KDM2A: variants seen among roughly 807,000 people sequenced by gnomAD.
KDM2A encodes lysine-specific demethylase 2A.
In KDM2A, 3 loss-of-function variants were observed where a neutral mutation model predicts 137.3. The ratio of observed to expected loss-of-function variants is 0.02; its 90% confidence interval spans 0.01 to 0.06. The LOEUF is 0.06. KDM2A is among the 10% of genes least tolerant of loss of function. The probability of loss-of-function intolerance (pLI) is 1.00; values close to 1 mark genes in which losing one functional copy is unlikely to be tolerated. For synonymous variants in KDM2A, 512 were observed against 541.5 expected (o/e 0.95, Z 0.76); for missense variants, 738 against 1,510.6 (o/e 0.49, Z 8.48).
chr11:67,220,848 C>CT (rs1257410804), intron 10 of KDM2A, among the ~76,000 whole-genome samples: 1 of 151,976 alleles, frequency 6.6e-6, no homozygotes, highest in East Asian at 1.9e-4. Flanking sequence ...TTTCAGATAA[C>CT]TTTAACATGT....
chr11:67,152,667 T>TA (rs1017579877), intron 2 of KDM2A, among the ~76,000 whole-genome samples: 13 of 152,252 alleles, frequency 8.5e-5, no homozygotes, highest in Admixed American at 8.5e-4. Flanking sequence ...ATATGTAGCT[T>TA]ACATTTTGTT....
At chr11:67,157,717 C>T (rs1856549488) in intron 2 of KDM2A, among the ~76,000 whole-genome samples, 1 of 150,596 alleles carries the variant, frequency 6.6e-6, no homozygotes, top group Non-Finnish European at 1.5e-5. Flanking sequence ...TGCACTCCAG[C>T]CTGGGCGACA....
intron 12 of KDM2A, among the ~76,000 whole-genome samples, chr11:67,233,068 T>C (rs1858765328): frequency 6.6e-6 from 1 of 152,140 alleles, no homozygotes; most frequent in African/African-American, 2.4e-5. Context: ...TAACAATTAA[T>C]GTGAAGACCA....
At chr11:67,203,953 A>G (rs1337926681) in intron 5 of KDM2A, among the ~76,000 whole-genome samples, 1 of 151,884 alleles carries the variant, frequency 6.6e-6, no homozygotes, top group African/African-American at 2.4e-5. Context: ...GCCGCGTACC[A>G]CCACGCCCAG....
intron 2 of KDM2A, among the ~76,000 whole-genome samples, chr11:67,146,220 C>G (rs1367019383): frequency 2.0e-5 from 3 of 151,938 alleles, no homozygotes; most frequent in Non-Finnish European, 4.4e-5. Context: ...GTCTCAATCT[C>G]CTGACCTCCT....
At chr11:67,251,314 C>G (rs1298203491) in intron 17 of KDM2A, among the ~76,000 whole-genome samples, 6 of 152,154 alleles carry the variant, frequency 3.9e-5, no homozygotes, top group African/African-American at 1.2e-4. Flanking sequence ...TAATGCTCAT[C>G]CCCCCAAACC....
intron 7 of KDM2A, 147 bp from the exon 8 acceptor site, chr11:67,215,709 C>G (rs1381908018): frequency 8.5e-6 from 6 of 709,564 alleles, no homozygotes; most frequent in Non-Finnish European, 1.2e-5. Context: ...AATGTGATGA[C>G]TTGAAAATGC....
In KDM2A at chr11:67,254,761, G is replaced by T; in HGVS notation, c.3308-113G>T. ...CTGGTCTCTGAGCCAGGTAGTTGTGGGACAAAGAGGGCTTTTGTTTAGCAT... is the reference window on the plus strand; with the variant it reads ...CTGGTCTCTGAGCCAGGTAGTTGTGTGACAAAGAGGGCTTTTGTTTAGCAT... On this transcript the variant is annotated intron_variant, in intron 20 of 20. Transcript: ENST00000529006. The surrounding 1 kb of genome is among the most constrained non-coding windows in gnomAD (Gnocchi z 4.7). 2.0e-6 allele frequency: 2 copies of T among 989,270 alleles called. No homozygotes were observed. Among genetic ancestry groups the T allele is most frequent in the Non-Finnish European group, 3.0e-6 (2 of 665,616 alleles). 61.3% of individuals were successfully genotyped at this position (989,270 alleles called of 1,614,324 possible). A position where few individuals can be genotyped will look rare whatever the true frequency, so the allele number is the denominator to read the frequency against.
chr11:67,133,080 A>G (rs555619081), intron 2 of KDM2A, among the ~76,000 whole-genome samples: 1 of 152,160 alleles, frequency 6.6e-6, no homozygotes, highest in Admixed American at 6.6e-5. Flanking sequence ...GTCTCTTACC[A>G]ATTGTGCTTT....
intron 2 of KDM2A, among the ~76,000 whole-genome samples, chr11:67,145,990 T>G (rs1300085309): frequency 6.7e-6 from 1 of 150,046 alleles, no homozygotes; most frequent in African/African-American, 2.4e-5. Flanking sequence ...TTTGTTTTGT[T>G]TTTTTTTGTT....
At chr11:67,218,078 A>G (rs1858225218) in intron 9 of KDM2A, among the ~76,000 whole-genome samples, 194 bp downstream of exon 9, 2 of 152,172 alleles carry the variant, frequency 1.3e-5, no homozygotes, top group East Asian at 1.9e-4. Flanking sequence ...TGGTTTTCCA[A>G]TAAAGTATAT....
At chr11:67,203,264 T>C (rs1462462338) in intron 5 of KDM2A, among the ~76,000 whole-genome samples, 1 of 151,652 alleles carries the variant, frequency 6.6e-6, no homozygotes, top group Non-Finnish European at 1.5e-5. Flanking sequence ...TAGCCTACAG[T>C]ATAATGTAAA....
intron 2 of KDM2A, among the ~76,000 whole-genome samples, chr11:67,125,461 G>A (rs1262911304): frequency 1.3e-5 from 2 of 150,262 alleles, no homozygotes; most frequent in Non-Finnish European, 3.0e-5. Context: ...TTTTTGGGGG[G>A]AAAAAAAAAT....
At chr11:67,120,336 T>C (rs915482541) in intron 1 of KDM2A, among the ~76,000 whole-genome samples, 21 of 152,192 alleles carry the variant, frequency 1.4e-4, no homozygotes, top group African/African-American at 1.4e-4. Context: ...CATCGGGTCC[T>C]CTGGTCTCGT....
At chr11:67,128,176 A>C (rs1170288233) in intron 2 of KDM2A, among the ~76,000 whole-genome samples, 1 of 151,196 alleles carries the variant, frequency 6.6e-6, no homozygotes, top group Non-Finnish European at 1.5e-5. Context: ...CTTATTTTTA[A>C]ATTCTTTCTA....
At position 67,150,225 on chromosome 11, in the gene KDM2A, C is replaced by G. The variant is rs1348845501; in HGVS notation, c.42+28867C>G. On this transcript the variant is annotated intron_variant, in intron 2 of 20. Transcript: ENST00000529006. Reference sequence around the variant, plus strand: ...TTGTTTTTCTAGCCGATAAATAGATCAGAACTTAAGAAATTCACTGCCTCT... The same window carrying G: ...TTGTTTTTCTAGCCGATAAATAGATGAGAACTTAAGAAATTCACTGCCTCT... 6.6e-5 allele frequency among the ~76,000 whole-genome samples: 10 copies of G among 152,132 alleles called. 1 individual carries two copies. Among genetic ancestry groups the G allele is most frequent in the Non-Finnish European group, 1.5e-5 (1 of 68,016 alleles).
chr11:67,180,687 G>A (rs1328129274), intron 3 of KDM2A, among the ~76,000 whole-genome samples: 1 of 151,728 alleles, frequency 6.6e-6, no homozygotes, highest in Admixed American at 6.6e-5. Context: ...GAGTCTTGCT[G>A]TGTCACCCAG....
intron 2 of KDM2A, among the ~76,000 whole-genome samples, chr11:67,156,592 G>T (rs141491021): frequency 6.6e-6 from 1 of 151,894 alleles, no homozygotes; most frequent in Non-Finnish European, 1.5e-5. Flanking sequence ...GGTGGTAGGC[G>T]CCTGTAGTCC....
intron 5 of KDM2A, among the ~76,000 whole-genome samples, chr11:67,202,665 A>G (rs890573634): frequency 3.4e-4 from 51 of 149,232 alleles, no homozygotes; most frequent in African/African-American, 1.2e-3. Flanking sequence ...AGTCCCAGCT[A>G]CTCAGGAGGC....
Sources: allele counts gnomAD v4.1 joint callset (sites outside exome capture counted in the v4.1 genomes callset), GRCh38; gene constraint gnomAD v4.1.1; non-coding constraint Gnocchi (gnomAD v3.1); transcripts MANE v1.5; gene names NCBI Gene and HGNC (gene_info 2026-07-23, HGNC 2026-07-21).